The following INTS2 variants were observed in gnomAD, a reference collection of about 807,000 sequenced individuals.
INTS2 encodes KIAA1287.
A neutral mutation model predicts 139.6 loss-of-function variants in INTS2; 57 were observed. The observed-to-expected ratio is 0.41, with a 90% CI of 0.33 to 0.51. The LOEUF (loss-of-function observed/expected upper bound fraction) is 0.51, where lower values mean the gene tolerates loss of function less well. Among genes scored for constraint, INTS2 ranks in the 20% least tolerant of loss-of-function variants. The pLI is 0.28. For missense variants in INTS2, 1,196 were observed against 1,436.7 expected (o/e 0.83, Z 2.71); for synonymous variants, 473 against 493.4 (o/e 0.96, Z 0.55).
intron 5 of INTS2, among the ~76,000 whole-genome samples, chr17:61,917,111 T>C (rs1252095500): frequency 6.6e-6 from 1 of 152,168 alleles, no homozygotes; most frequent in African/African-American, 2.4e-5. Context: ...CCAGTGAGAA[T>C]GGCTATTAAA....
chr17:61,891,365 A>G (rs1184292576), intron 14 of INTS2, 148 bp downstream of exon 14: 4 of 647,922 alleles, frequency 6.2e-6, no homozygotes, highest in Non-Finnish European at 1.0e-5. Context: ...CCATTCTTTT[A>G]ATTTTTAGAG....
rs1287199058 is a variant in INTS2, at chr17:61,919,443, G to T, written c.606C>A (p.Phe202Leu). 6.2e-7 allele frequency: 1 copy of T among 1,601,102 alleles called. No homozygotes were observed. The highest frequency in any genetic ancestry group is 1.1e-5 in the South Asian group (1 of 88,542). The change falls in exon 5 of 25, where the codon TTC (phenylalanine) becomes TTA (leucine). Residue 202 changes from phenylalanine (F) to leucine (L), a missense_variant. Coordinates refer to ENST00000251334, the MANE Select transcript of INTS2 (RefSeq NM_001351695.2). ...GAACATTGGCCACCAAGAGACACAA[G>T]AACCAGGCACCATTTCTAACATGTA... ...ALLHVRNGAW[F>L]LCLLVANVPD...
intron 9 of INTS2, among the ~76,000 whole-genome samples, chr17:61,900,755 C>A (rs1013513994): frequency 1.3e-5 from 2 of 151,942 alleles, no homozygotes; most frequent in Admixed American, 1.3e-4. Flanking sequence ...GTCAGGAGTT[C>A]GAGACCAGCC....
chr17:61,920,960 A>G (rs895176542), intron 4 of INTS2, among the ~76,000 whole-genome samples: 1 of 151,862 alleles, frequency 6.6e-6, no homozygotes, highest in Non-Finnish European at 1.5e-5. Context: ...AATTTTTTTC[A>G]TTTTGGTAGA....
intron 9 of INTS2, among the ~76,000 whole-genome samples, chr17:61,903,763 T>C (rs1056783370): frequency 1.3e-5 from 2 of 152,064 alleles, no homozygotes; most frequent in African/African-American, 2.4e-5. Context: ...CAACTATATA[T>C]TGATCTAATC....
At chr17:61,923,473 T>C (rs1444825008) in intron 3 of INTS2, among the ~76,000 whole-genome samples, 1 of 99,612 alleles carries the variant, frequency 1.0e-5, no homozygotes, top group Non-Finnish European at 1.8e-5. Context: ...TGAGACTCTG[T>C]CTCCAAAAAA....
Position 61,867,419 on chromosome 17 carries a change from T to C in INTS2, c.*138A>G, listed in dbSNP as rs2079054106. ...ATAATTCTCATAAAGTTCTAAACTATACTCATGTTGAATTGAATTGTTTTA... is the reference window on the plus strand; with the variant it reads ...ATAATTCTCATAAAGTTCTAAACTACACTCATGTTGAATTGAATTGTTTTA... On this transcript the variant is annotated 3_prime_UTR_variant, in exon 25 of 25. Coordinates refer to ENST00000251334, the MANE Select transcript of INTS2 (RefSeq NM_001351695.2). This position sits in a 1 kb window ranked among gnomAD's most constrained non-coding sequence, Gnocchi z 5.6. The C allele has an allele frequency of 3.7e-6, 2 of 535,040 alleles. No individual in the cohort carries two copies. The highest frequency in any genetic ancestry group is 2.9e-5 in the East Asian group (1 of 34,042). The allele number at this position is 535,040 out of a possible 1,614,324, so 33.1% of individuals were successfully genotyped here.
In INTS2 at chr17:61,884,995, T is replaced by G. The variant is rs1462816074; in HGVS notation, c.1995A>C (p.Gln665His). Residue 665 changes from glutamine to histidine, a missense_variant, in exon 16 of 25, where the codon CAA (glutamine) becomes CAC (histidine). Around this residue, in one of 3 missense-constraint regions of INTS2, gnomAD observed 1,129 missense variants for 1,341.9 expected, o/e 0.84. Coordinates refer to ENST00000251334, the MANE Select transcript of INTS2 (RefSeq NM_001351695.2). ...AAGAAGAATATGATTTGGGCTTTCT[T>G]TGCATGGCAGCTATCAAAGATAAAA... The part of the protein sequence containing the change: ...LANTKTLAAM[Q>H]RKPKSYSSSL... 6.3e-7 allele frequency: 1 copy of G among 1,589,928 alleles called. No individual in the cohort carries two copies. Among genetic ancestry groups the G allele is most frequent in the Non-Finnish European group, 8.6e-7 (1 of 1,164,516 alleles).
chr17:61,917,628 G>T (rs192903622), intron 5 of INTS2, among the ~76,000 whole-genome samples: 71 of 152,270 alleles, frequency 4.7e-4, no homozygotes, highest in Non-Finnish European at 8.1e-4. Flanking sequence ...GACTACCAGT[G>T]GGGAGGAAGA....
chr17:61,891,320 A>G (rs771825768), intron 14 of INTS2, among the ~76,000 whole-genome samples, 193 bp downstream of exon 14: 21 of 152,152 alleles, frequency 1.4e-4, no homozygotes, highest in Non-Finnish European at 2.6e-4. Context: ...CTCAAAAAAA[A>G]AAGTGCCTGT....
chr17:61,871,282 G>A lies in INTS2; in HGVS notation c.2778+983C>T, dbSNP rs111461038. ...ACTACAGGTTTGGGCCACCACGCCC[G>A]GCTAATTTTTGTATTTTTAGTAGAG... On this transcript the variant is annotated intron_variant, in intron 20 of 24. Coordinates refer to ENST00000251334, the MANE Select transcript of INTS2 (RefSeq NM_001351695.2). This position sits in a 1 kb window ranked among gnomAD's most constrained non-coding sequence, Gnocchi z 4.9. 2.9e-3 allele frequency among the ~76,000 whole-genome samples: 446 copies of A among 152,000 alleles called. 3 individuals carry two copies. The highest frequency in any genetic ancestry group is 0.01 in the African/African-American group (415 of 41,488).
intron 3 of INTS2, among the ~76,000 whole-genome samples, chr17:61,922,546 A>ATATATATATATG (rs1567921278): frequency 1.5e-5 from 2 of 129,968 alleles, no homozygotes; most frequent in Non-Finnish European, 3.3e-5. Flanking sequence ...ATATATATAT[A>ATATATATATATG]CGTGTTCAAT....
At chr17:61,885,418 T>A (rs1267638076) in intron 15 of INTS2, 1 of 158,114 alleles carries the variant, frequency 6.3e-6, no homozygotes. Flanking sequence ...TTTTATCTTT[T>A]TTTTTTTTTT....
chr17:61,907,639 A>C lies in INTS2; in HGVS notation c.955-5T>G, dbSNP rs949492503. The C allele has an allele frequency of 6.4e-7, 1 of 1,565,846 alleles. No homozygotes were observed. Among genetic ancestry groups the C allele is most frequent in the Non-Finnish European group, 8.7e-7 (1 of 1,153,250 alleles). On this transcript the variant is annotated splice_region_variant and splice_polypyrimidine_tract_variant and intron_variant, in intron 7 of 24. Coordinates refer to ENST00000251334, the MANE Select transcript of INTS2 (RefSeq NM_001351695.2). ...ACTGCTGGTCTCTCTTTTTCTCTGAAAGAAATATGGATCACAAAAGGAAGA... is the reference window on the plus strand; with the variant it reads ...ACTGCTGGTCTCTCTTTTTCTCTGACAGAAATATGGATCACAAAAGGAAGA...
At chr17:61,926,707 T>C (rs761714420) in intron 1 of INTS2, 45 bp from the exon 2 acceptor site, 2 of 1,463,962 alleles carry the variant, frequency 1.4e-6, no homozygotes, top group Non-Finnish European at 1.9e-6. Flanking sequence ...AACTTTCACA[T>C]GTATGAACAC....
At position 61,895,395 on chromosome 17, in the gene INTS2, A is replaced by G. The variant is rs1364687681; in HGVS notation, c.1495-12T>C. 2.0e-6 allele frequency: 3 copies of G among 1,517,360 alleles called. No homozygotes were observed. The highest frequency in any genetic ancestry group is 2.8e-5 in the African/African-American group (2 of 70,766). The allele number at this position is 1,517,360 out of a possible 1,614,324, so 94.0% of individuals were successfully genotyped here. A position where few individuals can be genotyped will look rare whatever the true frequency, so the allele number is the denominator to read the frequency against. On this transcript the variant is annotated splice_polypyrimidine_tract_variant and intron_variant, in intron 11 of 24. Transcript: ENST00000251334. ...GGCTTAATTACAATCTAAAATTACC[A>G]AAAGAATTCCAACAGCATGTAAAAA...
intron 9 of INTS2, among the ~76,000 whole-genome samples, chr17:61,901,796 C>T (rs931971465): frequency 6.6e-6 from 1 of 151,572 alleles, no homozygotes; most frequent in Non-Finnish European, 1.5e-5. Flanking sequence ...CGGGGTTTCA[C>T]CGTGTTAGCC....
At chr17:61,900,784 C>T (rs916442640) in intron 9 of INTS2, among the ~76,000 whole-genome samples, 1 of 151,864 alleles carries the variant, frequency 6.6e-6, no homozygotes, top group African/African-American at 2.4e-5. Context: ...ATGGAGAAAC[C>T]CCATCTCCAC....
At chr17:61,889,069 C>CA (rs1054372272) in intron 15 of INTS2, among the ~76,000 whole-genome samples, 7 of 142,968 alleles carry the variant, frequency 4.9e-5, no homozygotes, top group African/African-American at 1.1e-4. Context: ...CAAAACAAAA[C>CA]AAAAAAAAAG....
Sources: gnomAD v4.1 joint callset for allele counts (sites outside exome capture counted in the v4.1 genomes callset) on GRCh38, gnomAD v4.1.1 for gene constraint, gnomAD v4.1.1 regional missense constraint, Gnocchi (gnomAD v3.1) non-coding constraint, MANE v1.5 for transcripts, NCBI Gene and HGNC (gene_info 2026-07-23, HGNC 2026-07-21) for gene names.